PDE1A: variants seen among roughly 807,000 people sequenced by gnomAD.
PDE1A encodes dual specificity calcium/calmodulin-dependent 3',5'-cyclic nucleotide phosphodiesterase 1A.
In PDE1A, 35 loss-of-function variants were observed where a neutral mutation model predicts 61.7. That is an observed-to-expected ratio of 0.57 (90% confidence interval 0.43 to 0.75). The LOEUF (loss-of-function observed/expected upper bound fraction) is 0.75. Ranked by LOEUF, PDE1A falls within the 30% of genes least tolerant of loss-of-function variation. The pLI is 0.00. For synonymous variants in PDE1A, 232 were observed against 213.2 expected (o/e 1.09, Z -0.77); for missense variants, 597 against 630.6 (o/e 0.95, Z 0.57).
chr2:182,521,656 C>T (rs1272804490), intron 2 of PDE1A, among the ~76,000 whole-genome samples: 1 of 151,944 alleles, frequency 6.6e-6, no homozygotes, highest in Non-Finnish European at 1.5e-5. Context: ...AATTCTTGAC[C>T]CATTTTACTA....
the PDE1A span, among the ~76,000 whole-genome samples, chr2:182,637,381 T>C: frequency 6.6e-6 from 1 of 152,232 alleles, no homozygotes; most frequent in African/African-American, 2.4e-5. Context: ...AAGAACCAAG[T>C]TGATTAGTGG....
intron 2 of PDE1A, among the ~76,000 whole-genome samples, chr2:182,511,383 C>T (rs908029107): frequency 6.6e-6 from 1 of 152,084 alleles, no homozygotes; most frequent in Non-Finnish European, 1.5e-5. Context: ...AGGACTCATT[C>T]CTGGACCAGA....
chr2:182,636,194 G>A, the PDE1A span, among the ~76,000 whole-genome samples: 18 of 151,778 alleles, frequency 1.2e-4, no homozygotes, highest in South Asian at 2.1e-4. Context: ...TCCTGACCTC[G>A]TGATCTACCC....
intron 10 of PDE1A, among the ~76,000 whole-genome samples, chr2:182,192,819 T>A (rs1685814066): frequency 6.6e-6 from 1 of 152,138 alleles, no homozygotes; most frequent in African/African-American, 2.4e-5. Flanking sequence ...TCTGAAAGTC[T>A]GTAAGAGAAC....
intron 1 of PDE1A, among the ~76,000 whole-genome samples, chr2:182,401,607 G>A (rs535981572): frequency 3.9e-5 from 6 of 152,198 alleles, no homozygotes; most frequent in East Asian, 3.9e-4. Context: ...TCTGAAAACC[G>A]GCACAAGACA....
intron 7 of PDE1A, among the ~76,000 whole-genome samples, chr2:182,208,761 C>CT (rs1428903610): frequency 6.6e-6 from 1 of 152,188 alleles, no homozygotes; most frequent in African/African-American, 2.4e-5. Context: ...TATTTGGGGT[C>CT]TTTAAGATTA....
chr2:182,488,728 A>G (rs1172476334), intron 2 of PDE1A, among the ~76,000 whole-genome samples: 1 of 152,256 alleles, frequency 6.6e-6, no homozygotes, highest in Non-Finnish European at 1.5e-5. Context: ...ATTATCAAAA[A>G]TTAAAACTAA....
chr2:182,207,097 G>A (rs1027927028), intron 7 of PDE1A, among the ~76,000 whole-genome samples: 1 of 152,178 alleles, frequency 6.6e-6, no homozygotes, highest in African/African-American at 2.4e-5. Context: ...AAATGTGGAA[G>A]CAACTTTGGA....
chr2:182,301,271 T>C lies in PDE1A; in HGVS notation c.54-36857A>G, dbSNP rs145754360. 5.0e-3 allele frequency among the ~76,000 whole-genome samples: 769 copies of C among 152,308 alleles called. 3 individuals are homozygous for C. The highest frequency in any genetic ancestry group is 0.018 in the African/African-American group (748 of 41,564). On this transcript the variant is annotated intron_variant, in intron 1 of 13. Transcript: ENST00000351439. The stretch of plus-strand genomic sequence containing the variant: ...TGGATTTGTTTCTTAAAGGCACAAG[T>C]AAACAAACCAGTCTGTGGATGGCAC...
At chr2:182,291,857 T>C (rs1694554975) in intron 1 of PDE1A, among the ~76,000 whole-genome samples, 1 of 152,150 alleles carries the variant, frequency 6.6e-6, no homozygotes. Flanking sequence ...AAAGAAAATT[T>C]TTAAAATTTT....
At chr2:182,686,254 G>C in the PDE1A span, among the ~76,000 whole-genome samples, 1 of 151,932 alleles carries the variant, frequency 6.6e-6, no homozygotes, top group African/African-American at 2.4e-5. Flanking sequence ...AATCTGCTAT[G>C]GTAATGACTT....
At chr2:182,550,178 AG>A in the PDE1A span, among the ~76,000 whole-genome samples, 1 of 152,214 alleles carries the variant, frequency 6.6e-6, no homozygotes, top group Non-Finnish European at 1.5e-5. Flanking sequence ...AAATAAAGAA[AG>A]TAAATGTGAG....
At chr2:182,473,506 T>C (rs898800286) in intron 2 of PDE1A, among the ~76,000 whole-genome samples, 1 of 151,950 alleles carries the variant, frequency 6.6e-6, no homozygotes, top group Non-Finnish European at 1.5e-5. Flanking sequence ...TTTATACTTT[T>C]AAGTTCAGGG....
intron 2 of PDE1A, among the ~76,000 whole-genome samples, chr2:182,436,884 G>C (rs1264093736): frequency 6.6e-6 from 1 of 151,904 alleles, no homozygotes; most frequent in East Asian, 1.9e-4. Context: ...ATATTGCACT[G>C]CCTCTCCATG....
chr2:182,646,391 C>CAA, the PDE1A span, among the ~76,000 whole-genome samples: 332 of 107,172 alleles, frequency 3.1e-3, 6 homozygotes, highest in East Asian at 0.016. Flanking sequence ...GGTGAAGGTT[C>CAA]AAAAAAAAAA....
At chr2:182,459,187 T>C (rs1442902538) in intron 2 of PDE1A, among the ~76,000 whole-genome samples, 2 of 152,088 alleles carry the variant, frequency 1.3e-5, no homozygotes, top group Non-Finnish European at 2.9e-5. Context: ...TTGTAAAAGA[T>C]TAATATTTAG....
At chr2:182,171,703 T>C (rs964976024) in intron 13 of PDE1A, among the ~76,000 whole-genome samples, 1 of 151,544 alleles carries the variant, frequency 6.6e-6, no homozygotes, top group Non-Finnish European at 1.5e-5. Context: ...CTGTCCTTGG[T>C]GTGAGCATTA....
chr2:182,673,974 T>C, the PDE1A span, among the ~76,000 whole-genome samples: 2 of 146,062 alleles, frequency 1.4e-5, no homozygotes, highest in South Asian at 2.2e-4. Flanking sequence ...TATTATGTCA[T>C]AGGTAATATA....
At chr2:182,329,362 G>A (rs1418497203) in intron 1 of PDE1A, among the ~76,000 whole-genome samples, 1 of 151,956 alleles carries the variant, frequency 6.6e-6, no homozygotes, top group Non-Finnish European at 1.5e-5. Context: ...TGGCTGCCTT[G>A]AGATTTATAC....
Sources: allele counts gnomAD v4.1 joint callset (sites outside exome capture counted in the v4.1 genomes callset), GRCh38; gene constraint gnomAD v4.1.1; transcripts MANE v1.5; gene names NCBI Gene and HGNC (gene_info 2026-07-23, HGNC 2026-07-21).